The following ADGRG6 variants were observed in gnomAD, a reference collection of about 807,000 sequenced individuals.
The protein encoded by ADGRG6 is G-protein coupled receptor 126.
A neutral mutation model predicts 142.4 loss-of-function variants in ADGRG6; 84 were observed. The observed-to-expected ratio is 0.59, with a 90% CI of 0.49 to 0.71. The LOEUF (loss-of-function observed/expected upper bound fraction) is 0.71. Among genes scored for constraint, ADGRG6 ranks in the 30% least tolerant of loss-of-function variants. The pLI is 0.00. For synonymous variants in ADGRG6, 521 were observed against 520.5 expected (o/e 1.00, Z -0.01); for missense variants, 1,367 against 1,466.6 (o/e 0.93, Z 1.11).
chr6:142,343,761 C>T (rs1341698001), intron 2 of ADGRG6, among the ~76,000 whole-genome samples: 1 of 151,634 alleles, frequency 6.6e-6, no homozygotes, highest in East Asian at 1.9e-4. Context: ...AATCAAAAGC[C>T]AATTGTGCAG....
intron 9 of ADGRG6, among the ~76,000 whole-genome samples, chr6:142,396,740 G>A (rs1775217063): frequency 6.6e-6 from 1 of 152,128 alleles, no homozygotes; most frequent in African/African-American, 2.4e-5. Flanking sequence ...TGTGAATCCA[G>A]AGCTTTCACA....
intron 22 of ADGRG6, among the ~76,000 whole-genome samples, chr6:142,424,822 G>T (rs6936635): frequency 0.016 from 2,432 of 152,186 alleles, 60 homozygotes; most frequent in African/African-American, 0.05. Context: ...GGGGAGACAG[G>T]TTAATTAAAT....
chr6:142,388,742 A>T (rs887288020), intron 6 of ADGRG6, among the ~76,000 whole-genome samples: 5 of 152,118 alleles, frequency 3.3e-5, no homozygotes, highest in Non-Finnish European at 1.5e-5. Flanking sequence ...TACTAGAAGT[A>T]CAGTTTCCAC....
intron 17 of ADGRG6, among the ~76,000 whole-genome samples, chr6:142,410,770 TC>T (rs1776042373): frequency 6.6e-6 from 1 of 152,138 alleles, no homozygotes; most frequent in Admixed American, 6.6e-5. Context: ...ATAAATGGAT[TC>T]AATACATTGA....
At chr6:142,375,495 C>T (rs1781458835) in intron 4 of ADGRG6, among the ~76,000 whole-genome samples, 1 of 152,178 alleles carries the variant, frequency 6.6e-6, no homozygotes, top group Non-Finnish European at 1.5e-5. Context: ...CACTCATTAA[C>T]TGACAGGAAA....
intron 2 of ADGRG6, among the ~76,000 whole-genome samples, chr6:142,331,007 G>A (rs1020285620): frequency 1.3e-5 from 2 of 152,052 alleles, no homozygotes; most frequent in Middle Eastern, 3.4e-3. Context: ...GAACTCAGAA[G>A]CAAAACTTGC....
intron 2 of ADGRG6, among the ~76,000 whole-genome samples, chr6:142,345,708 T>C (rs992069654): frequency 6.6e-6 from 1 of 152,156 alleles, no homozygotes; most frequent in Non-Finnish European, 1.5e-5. Flanking sequence ...ATTTTTCCAG[T>C]GACAGCATGG....
At chr6:142,320,120 A>G (rs921683438) in intron 2 of ADGRG6, among the ~76,000 whole-genome samples, 1 of 152,068 alleles carries the variant, frequency 6.6e-6, no homozygotes, top group African/African-American at 2.4e-5. Flanking sequence ...AGAGCTTTTC[A>G]TATTTTAAAA....
At chr6:142,371,249 A>C (rs1781237501) in intron 4 of ADGRG6, among the ~76,000 whole-genome samples, 1 of 147,758 alleles carries the variant, frequency 6.8e-6, no homozygotes, top group Non-Finnish European at 1.5e-5. Context: ...TGCAAACTCT[A>C]CCTCCTGGGT....
intron 1 of ADGRG6, among the ~76,000 whole-genome samples, chr6:142,308,650 A>G (rs1777617950): frequency 1.3e-5 from 2 of 151,728 alleles, no homozygotes; most frequent in South Asian, 4.2e-4. Flanking sequence ...GAGATTTCTG[A>G]CTATTGCTTA....
chr6:142,353,567 T>C (rs1300252805), intron 2 of ADGRG6, among the ~76,000 whole-genome samples: 1 of 152,246 alleles, frequency 6.6e-6, no homozygotes. Flanking sequence ...TTGGATGTTG[T>C]ATCAAGTAGG....
In ADGRG6 at chr6:142,339,556, G is replaced by A. The variant is rs1406719992; in HGVS notation, c.104-28013G>A. ...TGCTTGAGTATCTGGATTTGACATT[G>A]TATGTTGTTACTAATATTGTCTTAT... On this transcript the variant is annotated intron_variant, in intron 2 of 24. Coordinates refer to ENST00000367609, the MANE Select transcript of ADGRG6 (RefSeq NM_198569.3). Among the ~76,000 whole-genome samples, 13 of 152,194 alleles carry A rather than the reference G, an allele frequency of 8.5e-5. 1 individual carries two copies. In the South Asian group the frequency reaches 2.7e-3, roughly 32 times the overall value.
intron 2 of ADGRG6, among the ~76,000 whole-genome samples, chr6:142,325,957 A>G (rs74975889): frequency 0.054 from 8,231 of 151,690 alleles, 471 homozygotes; most frequent in African/African-American, 0.15. Context: ...TGTAAGGTAG[A>G]AAAAAAACCC....
chr6:142,345,288 A>G (rs1327309713), intron 2 of ADGRG6, among the ~76,000 whole-genome samples: 1 of 152,152 alleles, frequency 6.6e-6, no homozygotes, highest in African/African-American at 2.4e-5. Context: ...GGGGAAAAGT[A>G]TAAGTAACTT....
At chr6:142,334,141 T>C (rs1022273633) in intron 2 of ADGRG6, among the ~76,000 whole-genome samples, 1 of 152,146 alleles carries the variant, frequency 6.6e-6, no homozygotes, top group African/African-American at 2.4e-5. Context: ...AATGTTCAAC[T>C]TGAAATTCTA....
chr6:142,387,632 A>G (rs764367227), intron 6 of ADGRG6, among the ~76,000 whole-genome samples: 1 of 152,216 alleles, frequency 6.6e-6, no homozygotes, highest in Non-Finnish European at 1.5e-5. Context: ...AAATAGGCCT[A>G]TCATTTCAAA....
At chr6:142,343,825 G>T (rs9376687) in intron 2 of ADGRG6, among the ~76,000 whole-genome samples, 1 of 151,722 alleles carries the variant, frequency 6.6e-6, no homozygotes, top group Non-Finnish European at 1.5e-5. Context: ...GAATTATCTG[G>T]CAGAAGAAAA....
intron 6 of ADGRG6, among the ~76,000 whole-genome samples, 183 bp downstream of exon 6, chr6:142,384,026 T>C (rs998441467): frequency 1.3e-5 from 2 of 152,164 alleles, no homozygotes; most frequent in African/African-American, 4.8e-5. Context: ...CTCATTCTTA[T>C]GACGAGTGGA....
At chr6:142,349,672 A>G (rs929542864) in intron 2 of ADGRG6, among the ~76,000 whole-genome samples, 12 of 152,186 alleles carry the variant, frequency 7.9e-5, no homozygotes, top group African/African-American at 2.7e-4. Flanking sequence ...GATGTTGGCT[A>G]TTGCATAAGT....
Sources: allele counts gnomAD v4.1 joint callset (sites outside exome capture counted in the v4.1 genomes callset), GRCh38; gene constraint gnomAD v4.1.1; transcripts MANE v1.5; gene names NCBI Gene and HGNC (gene_info 2026-07-23, HGNC 2026-07-21).